Variants in NELL2 observed in about 807,000 individuals in gnomAD.
NELL2 encodes neural EGFL like 2.
NELL2 carries 41 observed loss-of-function variants against 109.6 expected under a neutral mutation model. The observed-to-expected ratio is 0.37, with a 90% CI of 0.29 to 0.49. The LOEUF is 0.49. Ranked by LOEUF, NELL2 falls within the 20% of genes least tolerant of loss-of-function variation. The probability of loss-of-function intolerance (pLI) is 0.98; values close to 1 mark genes in which losing one functional copy is unlikely to be tolerated. For synonymous variants in NELL2, 355 were observed against 344.7 expected (o/e 1.03, Z -0.33); for missense variants, 900 against 1,008.3 (o/e 0.89, Z 1.45).
chr12:44,555,533 C>G (rs1037400476), intron 15 of NELL2, among the ~76,000 whole-genome samples: 1 of 152,114 alleles, frequency 6.6e-6, no homozygotes, highest in Non-Finnish European at 1.5e-5. Context: ...CTTCAAAGAC[C>G]CACTGCTAGC....
At chr12:44,872,330 T>C (rs1945187535) in intron 2 of NELL2, among the ~76,000 whole-genome samples, 1 of 152,144 alleles carries the variant, frequency 6.6e-6, no homozygotes, top group Non-Finnish European at 1.5e-5. Flanking sequence ...TATTAAGGTG[T>C]AATCTAATTT....
Position 44,567,119 on chromosome 12 carries a change from C to T in NELL2, c.1664-34398G>A, listed in dbSNP as rs562409858. Among the ~76,000 whole-genome samples, 30 of 152,262 alleles carry T rather than the reference C, an allele frequency of 2.0e-4. No homozygotes were observed. The South Asian group carries it at 5.2e-3, about 26-fold the overall frequency. On this transcript the variant is annotated intron_variant, in intron 15 of 19. Coordinates refer to ENST00000429094, the MANE Select transcript of NELL2 (RefSeq NM_001145108.2). ...GCCACTGCGTCTGGCCTACTATATG[C>T]ATTTTTATCTGATAGGAGTTTTACA...
chr12:44,903,241 C>T (rs756925492), intron 1 of NELL2, among the ~76,000 whole-genome samples: 8 of 152,118 alleles, frequency 5.3e-5, no homozygotes, highest in South Asian at 2.1e-4. Flanking sequence ...CATGAACAGA[C>T]GCTTTTCAAA....
chr12:44,611,313 A>G (rs1945612615), intron 13 of NELL2, among the ~76,000 whole-genome samples: 1 of 152,072 alleles, frequency 6.6e-6, no homozygotes, highest in South Asian at 2.1e-4. Context: ...TCATGAAATA[A>G]ATCTGTCACC....
chr12:44,900,819 T>C (rs1945651534), intron 1 of NELL2, among the ~76,000 whole-genome samples: 1 of 152,046 alleles, frequency 6.6e-6, no homozygotes, highest in Admixed American at 6.6e-5. Flanking sequence ...TGAAACCCCA[T>C]CTCTACTAAA....
In NELL2 at chr12:44,640,010, T is replaced by C. The variant is rs148180474; in HGVS notation, c.1444+25474A>G. On this transcript the variant is annotated intron_variant, in intron 13 of 19. Transcript: ENST00000429094. ...CTCAAAGCCTTAGTATATACCTGGC[T>C]GTCACTATTTTTTTTCTCTAATGTA... 2.5e-3 allele frequency among the ~76,000 whole-genome samples: 382 copies of C among 152,280 alleles called. 1 individual carries two copies. The highest frequency in any genetic ancestry group is 8.8e-3 in the African/African-American group (367 of 41,556).
At chr12:44,846,016 T>G (rs998409052) in intron 2 of NELL2, among the ~76,000 whole-genome samples, 1 of 152,192 alleles carries the variant, frequency 6.6e-6, no homozygotes, top group African/African-American at 2.4e-5. Flanking sequence ...ATTCTGGACT[T>G]ATGAAAATGG....
intron 1 of NELL2, among the ~76,000 whole-genome samples, chr12:44,911,264 C>T (rs1340913969): frequency 1.3e-5 from 2 of 151,902 alleles, no homozygotes; most frequent in Admixed American, 6.6e-5. Flanking sequence ...TATTGTAAGT[C>T]AACAGGGGAA....
intron 19 of NELL2, among the ~76,000 whole-genome samples, chr12:44,516,443 C>G (rs1941259971): frequency 6.6e-6 from 1 of 151,852 alleles, no homozygotes; most frequent in Non-Finnish European, 1.5e-5. Context: ...TAACAGTGCA[C>G]AAAAATAATA....
intron 10 of NELL2, among the ~76,000 whole-genome samples, chr12:44,714,120 T>C (rs1270416973): frequency 6.6e-6 from 1 of 151,906 alleles, no homozygotes; most frequent in East Asian, 1.9e-4. Context: ...GGGCAAAAAT[T>C]CAAATGAATC....
chr12:44,685,774 C>T (rs952582411), intron 12 of NELL2, among the ~76,000 whole-genome samples: 5 of 152,070 alleles, frequency 3.3e-5, no homozygotes, highest in East Asian at 1.9e-4. Context: ...AGAGTTTCTG[C>T]GGAGAGATCT....
At chr12:44,737,515 C>A (rs945188706) in intron 9 of NELL2, among the ~76,000 whole-genome samples, 1 of 151,826 alleles carries the variant, frequency 6.6e-6, no homozygotes. Flanking sequence ...TATTTTAATT[C>A]GAAATCATTT....
intron 13 of NELL2, among the ~76,000 whole-genome samples, chr12:44,633,145 G>A (rs958029265): frequency 1.3e-5 from 2 of 152,024 alleles, no homozygotes; most frequent in Non-Finnish European, 1.5e-5. Flanking sequence ...TAGATGCTAA[G>A]AGGAAAAGAA....
At position 44,816,133 on chromosome 12, in the gene NELL2, G is replaced by A. The variant is rs921186925; in HGVS notation, c.188C>T (p.Thr63Ile). 6.3e-7 allele frequency: 1 copy of A among 1,588,300 alleles called. No homozygotes were observed. The highest frequency in any genetic ancestry group is 8.5e-7 in the Non-Finnish European group (1 of 1,171,450). ...AGTGGATGCTTTTATGCTTCTGGGA[G>A]TATCTAAAAAAGAAACAAACATATA... ...NGTKAFLFQD[T>I]PRSIKASTAT... is the part of the protein sequence containing the mutation. The change falls in exon 3 of 20, where the codon ACT becomes ATT. Residue 63 changes from threonine (T) to isoleucine (I), a missense_variant. Transcript: ENST00000429094.
At chr12:44,777,849 T>C (rs779245971) in intron 5 of NELL2, among the ~76,000 whole-genome samples, 4 of 152,178 alleles carry the variant, frequency 2.6e-5, no homozygotes, top group Non-Finnish European at 5.9e-5. Flanking sequence ...CAAAATATAG[T>C]GATGAGTTCT....
intron 16 of NELL2, among the ~76,000 whole-genome samples, chr12:44,528,097 CAAAAAAA>C (rs71093812): frequency 5.5e-4 from 12 of 21,996 alleles, no homozygotes; most frequent in South Asian, 3.6e-3. Context: ...GACTCCGTCT[CAAAAAAA>C]AAAAAAAAAA....
At chr12:44,830,102 C>A (rs1248076659) in intron 2 of NELL2, among the ~76,000 whole-genome samples, 1 of 152,026 alleles carries the variant, frequency 6.6e-6, no homozygotes, top group African/African-American at 2.4e-5. Context: ...TATTATATAT[C>A]CTTAACATTT....
chr12:44,834,076 G>A (rs1300666158), intron 2 of NELL2, among the ~76,000 whole-genome samples: 1 of 152,114 alleles, frequency 6.6e-6, no homozygotes, highest in African/African-American at 2.4e-5. Context: ...ACCACACTTA[G>A]ATAGATGTAT....
chr12:44,608,197 C>T (rs1017021050), intron 14 of NELL2, among the ~76,000 whole-genome samples: 10 of 152,000 alleles, frequency 6.6e-5, no homozygotes, highest in African/African-American at 1.4e-4. Flanking sequence ...AGCTTGTTCC[C>T]GGCATTAAGA....
Sources: gnomAD v4.1 joint callset for allele counts (sites outside exome capture counted in the v4.1 genomes callset) on GRCh38, gnomAD v4.1.1 for gene constraint, MANE v1.5 for transcripts, NCBI Gene and HGNC (gene_info 2026-07-23, HGNC 2026-07-21) for gene names.